HS3ST5: variants seen among roughly 807,000 people sequenced by gnomAD.
HS3ST5 encodes heparan sulfate glucosamine 3-O-sulfotransferase 5.
In HS3ST5, 10 loss-of-function variants were observed where a neutral mutation model predicts 25.4. The observed-to-expected ratio is 0.39, with a 90% confidence interval of 0.24 to 0.67. The LOEUF (loss-of-function observed/expected upper bound fraction) is 0.67, where lower values mean the gene tolerates loss of function less well. HS3ST5 is among the 30% of genes least tolerant of loss of function. HS3ST5 has a pLI of 0.44. For synonymous variants in HS3ST5, 170 were observed against 162.4 expected (o/e 1.05, Z -0.36); for missense variants, 324 against 420.7 (o/e 0.77, Z 2.01).
intron 3 of HS3ST5, among the ~76,000 whole-genome samples, chr6:114,140,753 G>A (rs1161911736): frequency 6.6e-6 from 1 of 152,208 alleles, no homozygotes; most frequent in Non-Finnish European, 1.5e-5. Context: ...AAACGTGACT[G>A]TTCTGTCAAA....
chr6:114,061,360 T>C (rs1773104498), intron 4 of HS3ST5, among the ~76,000 whole-genome samples: 1 of 152,134 alleles, frequency 6.6e-6, no homozygotes, highest in Admixed American at 6.5e-5. Flanking sequence ...CTGATTACAC[T>C]TTCAGGGTAG....
intron 2 of HS3ST5, among the ~76,000 whole-genome samples, chr6:114,208,212 C>T (rs10457273): frequency 0.22 from 33,714 of 152,074 alleles, 3,773 homozygotes; most frequent in East Asian, 0.26. Context: ...TGTGGATGTG[C>T]GGGAGCTTCT....
chr6:114,134,528 G>A (rs1429465065), intron 3 of HS3ST5, among the ~76,000 whole-genome samples: 1 of 152,210 alleles, frequency 6.6e-6, no homozygotes, highest in Non-Finnish European at 1.5e-5. Flanking sequence ...AGCAGGACCT[G>A]CAGTGAGAAG....
intron 3 of HS3ST5, among the ~76,000 whole-genome samples, chr6:114,071,326 C>T (rs1275970718): frequency 6.6e-6 from 1 of 152,208 alleles, no homozygotes; most frequent in East Asian, 1.9e-4. Context: ...CTTGCTCTCC[C>T]TCCCAGGCCT....
chr6:114,138,957 A>T (rs916251026), intron 3 of HS3ST5, among the ~76,000 whole-genome samples: 3 of 152,182 alleles, frequency 2.0e-5, no homozygotes, highest in Non-Finnish European at 4.4e-5. Flanking sequence ...CTTTTTGTAA[A>T]GCTACAGATC....
intron 1 of HS3ST5, among the ~76,000 whole-genome samples, chr6:114,287,125 A>G (rs1049199823): frequency 4.6e-5 from 7 of 151,988 alleles, no homozygotes; most frequent in Non-Finnish European, 1.0e-4. Flanking sequence ...AATACAGACA[A>G]TTATAAATAA....
chr6:114,293,557 A>G (rs191371345), intron 1 of HS3ST5, among the ~76,000 whole-genome samples: 1 of 152,322 alleles, frequency 6.6e-6, no homozygotes, highest in Admixed American at 6.5e-5. Context: ...GGAAGTGACA[A>G]GGTCCTAAGC....
intron 3 of HS3ST5, among the ~76,000 whole-genome samples, chr6:114,083,906 T>C (rs936054020): frequency 1.3e-4 from 20 of 152,202 alleles, no homozygotes; most frequent in Admixed American, 1.1e-3. Context: ...GACTGCATTC[T>C]AGTTTGTTTC....
At chr6:114,216,933 A>G (rs1781795748) in intron 2 of HS3ST5, among the ~76,000 whole-genome samples, 1 of 152,146 alleles carries the variant, frequency 6.6e-6, no homozygotes, top group African/African-American at 2.4e-5. Flanking sequence ...ATGATGCTGC[A>G]GTGCTGAAGC....
At chr6:114,133,517 G>T (rs1562209777) in intron 3 of HS3ST5, among the ~76,000 whole-genome samples, 1 of 152,192 alleles carries the variant, frequency 6.6e-6, no homozygotes, top group Non-Finnish European at 1.5e-5. Context: ...CCATGGAAAT[G>T]ATGCCAATGG....
intron 1 of HS3ST5, among the ~76,000 whole-genome samples, chr6:114,296,694 C>CA (rs1439681195): frequency 6.6e-6 from 1 of 152,118 alleles, no homozygotes; most frequent in Non-Finnish European, 1.5e-5. Flanking sequence ...AGGGCACAGC[C>CA]AACAGCAGGA....
intron 1 of HS3ST5, among the ~76,000 whole-genome samples, chr6:114,244,273 T>C (rs564753481): frequency 6.6e-6 from 1 of 152,304 alleles, no homozygotes; most frequent in East Asian, 1.9e-4. Flanking sequence ...CGCAGCTTTA[T>C]GGTAATGATT....
chr6:114,286,689 A>T (rs556167474), intron 1 of HS3ST5, among the ~76,000 whole-genome samples: 2 of 151,950 alleles, frequency 1.3e-5, no homozygotes, highest in South Asian at 2.1e-4. Flanking sequence ...GACTTATTAA[A>T]TTTTTTTCCC....
At chr6:114,256,248 C>T (rs569125239) in intron 1 of HS3ST5, among the ~76,000 whole-genome samples, 137 of 151,804 alleles carry the variant, frequency 9.0e-4, no homozygotes, top group Non-Finnish European at 1.4e-3. Context: ...ATTAGCTGGG[C>T]GTGGTGGTGG....
At chr6:114,236,392 T>C (rs1462390395) in intron 1 of HS3ST5, among the ~76,000 whole-genome samples, 1 of 152,230 alleles carries the variant, frequency 6.6e-6, no homozygotes, top group East Asian at 1.9e-4. Context: ...TGAATGGATA[T>C]AGCTTTACTC....
At chr6:114,232,755 A>G (rs544184111) in intron 1 of HS3ST5, among the ~76,000 whole-genome samples, 2 of 152,228 alleles carry the variant, frequency 1.3e-5, no homozygotes, top group South Asian at 4.1e-4. Context: ...GATCCTTTTG[A>G]TTTTACTTCC....
At chr6:114,112,180 C>G (rs1239770310) in intron 3 of HS3ST5, among the ~76,000 whole-genome samples, 1 of 152,090 alleles carries the variant, frequency 6.6e-6, no homozygotes, top group African/African-American at 2.4e-5. Context: ...GATTATATGG[C>G]GAAGGGGAAT....
chr6:114,323,142 A>G (rs1371381569), intron 1 of HS3ST5, among the ~76,000 whole-genome samples: 1 of 152,198 alleles, frequency 6.6e-6, no homozygotes, highest in African/African-American at 2.4e-5. Context: ...TTACCTCAAC[A>G]TAATGTAGCC....
intron 1 of HS3ST5, among the ~76,000 whole-genome samples, chr6:114,240,007 C>T (rs1369801018): frequency 1.8e-5 from 2 of 111,704 alleles, no homozygotes; most frequent in Non-Finnish European, 3.6e-5. Context: ...TCAGCACACA[C>T]ATACACACAC....
Sources: allele counts gnomAD v4.1 joint callset (sites outside exome capture counted in the v4.1 genomes callset), GRCh38; gene constraint gnomAD v4.1.1; transcripts MANE v1.5; gene names NCBI Gene and HGNC (gene_info 2026-07-23, HGNC 2026-07-21).